Variants in RIN3 observed in about 807,000 individuals in gnomAD.
The protein encoded by RIN3 is RAB5 interacting protein 3.
Under a neutral mutation model 76.3 loss-of-function variants are expected in RIN3, and 54 were observed. That is an observed-to-expected ratio of 0.71 (90% CI 0.57 to 0.89). The LOEUF (loss-of-function observed/expected upper bound fraction) is 0.89. Among genes scored for constraint, RIN3 ranks in the 40% least tolerant of loss-of-function variants. The pLI, the probability that RIN3 is intolerant of heterozygous loss-of-function variation, is 0.00. For missense variants in RIN3, 1,256 were observed against 1,322.1 expected (o/e 0.95, Z 0.78); for synonymous variants, 576 against 564.0 (o/e 1.02, Z -0.30).
intron 7 of RIN3, among the ~76,000 whole-genome samples, chr14:92,667,432 G>A (rs560257617): frequency 3.3e-5 from 5 of 151,878 alleles, no homozygotes; most frequent in South Asian, 4.2e-4. Flanking sequence ...CAGGAGAATC[G>A]CTTGAACCCA....
At chr14:92,536,008 A>G (rs182821515) in intron 1 of RIN3, among the ~76,000 whole-genome samples, 2 of 152,192 alleles carry the variant, frequency 1.3e-5, no homozygotes, top group Admixed American at 1.3e-4. Context: ...CTCATGTGCT[A>G]CTATTGCGGC....
At chr14:92,646,825 G>T (rs1887218876) in intron 5 of RIN3, among the ~76,000 whole-genome samples, 1 of 152,194 alleles carries the variant, frequency 6.6e-6, no homozygotes, top group Non-Finnish European at 1.5e-5. Context: ...CAAGTTCAGG[G>T]TGTGTTTCCT....
chr14:92,609,592 C>T (rs964683846), intron 3 of RIN3, among the ~76,000 whole-genome samples: 3 of 152,166 alleles, frequency 2.0e-5, no homozygotes, highest in East Asian at 1.9e-4. Flanking sequence ...GGGTGCTGGA[C>T]GGCCTGAGGC....
chr14:92,592,662 ATTATTATT>A (rs1885023613), intron 3 of RIN3, among the ~76,000 whole-genome samples: 1 of 144,176 alleles, frequency 6.9e-6, no homozygotes, highest in Non-Finnish European at 1.5e-5. Context: ...TATTATTATT[ATTATTATT>A]ATTATTATTA....
intron 3 of RIN3, among the ~76,000 whole-genome samples, chr14:92,589,527 G>C (rs1884904511): frequency 6.6e-6 from 1 of 152,136 alleles, no homozygotes; most frequent in Non-Finnish European, 1.5e-5. Flanking sequence ...CTGAGAGGGT[G>C]GGCTTTGGAA....
chr14:92,553,890 C>T (rs1350530687), intron 1 of RIN3, among the ~76,000 whole-genome samples: 1 of 152,160 alleles, frequency 6.6e-6, no homozygotes. Context: ...CCCCCAGGAC[C>T]CCTACAGCCC....
At chr14:92,673,452 T>C (rs1888355611) in intron 7 of RIN3, among the ~76,000 whole-genome samples, 1 of 152,176 alleles carries the variant, frequency 6.6e-6, no homozygotes, top group East Asian at 1.9e-4. Context: ...TTTAATGCAG[T>C]ATTTTTTAAA....
chr14:92,652,999 G>A lies in RIN3; in HGVS notation c.1950G>A (p.Gln650=), dbSNP rs750087347. ...AGGAGATTCGCACCATGATGACCCA[G>A]CTCAAGAGCTACCTGCTGCAGAGCA... The part of the protein sequence containing the change: ...MLQEIRTMMT[Q]LKSYLLQSTE... The change falls in exon 6 of 10, where the codon CAG becomes CAA. Residue 650 remains glutamine (Q), a synonymous_variant. Transcript: ENST00000216487. The surrounding 1 kb of genome is among the most constrained non-coding windows in gnomAD (Gnocchi z 6.4). 3 of 1,612,852 alleles carry A rather than the reference G, an allele frequency of 1.9e-6. No individual in the cohort carries two copies. The highest frequency in any genetic ancestry group is 2.5e-6 in the Non-Finnish European group (3 of 1,180,024).
At chr14:92,525,514 A>AG (rs982213023) in intron 1 of RIN3, among the ~76,000 whole-genome samples, 1 of 151,794 alleles carries the variant, frequency 6.6e-6, no homozygotes, top group African/African-American at 2.4e-5. Flanking sequence ...GATGCCAAAG[A>AG]GGGGGGTGAA....
At chr14:92,610,957 A>C (rs563497259) in intron 3 of RIN3, among the ~76,000 whole-genome samples, 8 of 152,238 alleles carry the variant, frequency 5.3e-5, no homozygotes, top group Admixed American at 1.3e-4. Context: ...CTCCCATGGC[A>C]TAATTTATTT....
At chr14:92,664,704 T>C (rs1296619042) in intron 7 of RIN3, among the ~76,000 whole-genome samples, 2 of 152,144 alleles carry the variant, frequency 1.3e-5, no homozygotes, top group Non-Finnish European at 2.9e-5. Flanking sequence ...GCATACATAA[T>C]GTTTTGTCTG....
intron 3 of RIN3, among the ~76,000 whole-genome samples, chr14:92,602,459 T>C (rs1885381754): frequency 6.6e-6 from 1 of 152,202 alleles, no homozygotes; most frequent in Non-Finnish European, 1.5e-5. Context: ...AGGCACCTGC[T>C]ATACTGGCTG....
intron 1 of RIN3, among the ~76,000 whole-genome samples, chr14:92,523,993 G>A (rs529006685): frequency 6.6e-6 from 1 of 152,282 alleles, no homozygotes; most frequent in African/African-American, 2.4e-5. Context: ...AGGAATTCAA[G>A]ACCAGACTGG....
At chr14:92,578,064 A>T (rs1898309787) in intron 3 of RIN3, among the ~76,000 whole-genome samples, 1 of 151,860 alleles carries the variant, frequency 6.6e-6, no homozygotes. Context: ...ACATAGAAAG[A>T]CCCCCTCTCT....
chr14:92,599,087 C>T (rs975585063), intron 3 of RIN3, among the ~76,000 whole-genome samples: 2 of 152,082 alleles, frequency 1.3e-5, no homozygotes, highest in Non-Finnish European at 2.9e-5. Flanking sequence ...GAGGGAAAGC[C>T]GAGAACAGGA....
chr14:92,630,319 C>A (rs989828075), intron 4 of RIN3, among the ~76,000 whole-genome samples: 1 of 152,088 alleles, frequency 6.6e-6, no homozygotes, highest in Non-Finnish European at 1.5e-5. Flanking sequence ...TTGGTAAAAC[C>A]GCACTCTACT....
intron 3 of RIN3, among the ~76,000 whole-genome samples, chr14:92,601,730 C>T (rs766127879): frequency 6.6e-6 from 1 of 152,174 alleles, no homozygotes; most frequent in Non-Finnish European, 1.5e-5. Flanking sequence ...AGGGTGGCAC[C>T]TTTACCCAGC....
intron 4 of RIN3, among the ~76,000 whole-genome samples, chr14:92,625,788 A>G (rs974142683): frequency 6.6e-5 from 10 of 152,148 alleles, no homozygotes; most frequent in Non-Finnish European, 1.3e-4. Context: ...TTAGAAGCAT[A>G]TGGCTTGAAG....
chr14:92,557,640 G>C (rs1325242714), intron 2 of RIN3, among the ~76,000 whole-genome samples: 1 of 152,244 alleles, frequency 6.6e-6, no homozygotes, highest in Non-Finnish European at 1.5e-5. Context: ...AGAGGCCCCT[G>C]TCACAGGGAG....
Sources: gnomAD v4.1 joint callset for allele counts (sites outside exome capture counted in the v4.1 genomes callset) on GRCh38, gnomAD v4.1.1 for gene constraint, Gnocchi (gnomAD v3.1) non-coding constraint, MANE v1.5 for transcripts, NCBI Gene and HGNC (gene_info 2026-07-23, HGNC 2026-07-21) for gene names.